PLCE1: variants seen among roughly 807,000 people sequenced by gnomAD.
PLCE1 encodes phospholipase C epsilon 1, also known as 1-phosphatidylinositol 4,5-bisphosphate phosphodiesterase epsilon-1.
A neutral mutation model predicts 242.8 loss-of-function variants in PLCE1; 119 were observed. The observed-to-expected ratio is 0.49, with a 90% CI of 0.42 to 0.57. PLCE1 has a LOEUF of 0.57. PLCE1 is among the 20% of genes least tolerant of loss of function. The pLI, the probability that PLCE1 is intolerant of heterozygous loss-of-function variation, is 0.00. For missense variants in PLCE1, 2,441 were observed against 2,788.8 expected (o/e 0.88, Z 2.81); for synonymous variants, 945 against 1,017.4 (o/e 0.93, Z 1.35).
intron 7 of PLCE1, among the ~76,000 whole-genome samples, chr10:94,240,819 G>T (rs2050481766): frequency 6.6e-6 from 1 of 152,030 alleles, no homozygotes; most frequent in African/African-American, 2.4e-5. Context: ...TTACTCCTTG[G>T]TCCTCTCCTT....
intron 2 of PLCE1, chr10:94,099,509 G>A (rs1298262291): frequency 6.6e-6 from 1 of 152,158 alleles, no homozygotes; most frequent in African/African-American, 2.4e-5. Flanking sequence ...AAACTGCCAA[G>A]ATATATTATT....
chr10:94,053,585 G>T (rs2043823980), intron 2 of PLCE1, among the ~76,000 whole-genome samples: 1 of 152,230 alleles, frequency 6.6e-6, no homozygotes, highest in Non-Finnish European at 1.5e-5. Context: ...GACTCAGAAG[G>T]CCTTGCACTT....
chr10:94,053,231 G>A (rs2043811267), intron 2 of PLCE1, among the ~76,000 whole-genome samples: 1 of 152,124 alleles, frequency 6.6e-6, no homozygotes, highest in African/African-American at 2.4e-5. Context: ...CCTCTATAAT[G>A]AGAATCATGA....
chr10:94,094,174 C>T (rs1233805019), intron 2 of PLCE1, among the ~76,000 whole-genome samples: 1 of 148,704 alleles, frequency 6.7e-6, no homozygotes, highest in Non-Finnish European at 1.5e-5. Context: ...ATCTCCTGAC[C>T]TCGTGATCCG....
At chr10:94,151,940 G>A (rs564039188) in intron 3 of PLCE1, among the ~76,000 whole-genome samples, 1 of 152,232 alleles carries the variant, frequency 6.6e-6, no homozygotes, top group East Asian at 1.9e-4. Flanking sequence ...ATTAGAAGTG[G>A]GTTTGACTGG....
At chr10:94,258,684 C>T (rs1329143429) in intron 11 of PLCE1, 116 bp from the exon 12 acceptor site, 1 of 1,208,114 alleles carries the variant, frequency 8.3e-7, no homozygotes, top group Non-Finnish European at 1.2e-6. Flanking sequence ...TAGCTTCAAT[C>T]TTAAATAACT....
chr10:94,294,978 A>G (rs921541821), intron 23 of PLCE1, among the ~76,000 whole-genome samples: 9 of 147,618 alleles, frequency 6.1e-5, no homozygotes, highest in Admixed American at 2.8e-4. Context: ...TGCGGTGGCA[A>G]GATCTTGTCT....
At chr10:94,235,689 G>A in intron 6 of PLCE1, 1 of 977,492 alleles carries the variant, frequency 1.0e-6, no homozygotes, top group Non-Finnish European at 1.2e-6. Flanking sequence ...TTGAAGTGGA[G>A]TGTCGATTCC....
intron 2 of PLCE1, among the ~76,000 whole-genome samples, chr10:94,074,080 ATGTTTAT>A (rs2044433879): frequency 6.6e-6 from 1 of 151,540 alleles, no homozygotes; most frequent in Non-Finnish European, 1.5e-5. Flanking sequence ...GCCAATTTTT[ATGTTTAT>A]TCAGTGACCC....
intron 2 of PLCE1, chr10:94,104,172 A>G (rs777456772): frequency 6.6e-6 from 1 of 152,326 alleles, no homozygotes; most frequent in African/African-American, 2.4e-5. Context: ...ATAAACACAT[A>G]TATGGTCCTT....
At chr10:94,256,186 G>C (rs1042920680) in intron 11 of PLCE1, among the ~76,000 whole-genome samples, 1 of 151,550 alleles carries the variant, frequency 6.6e-6, no homozygotes, top group Non-Finnish European at 1.5e-5. Flanking sequence ...AGCGGGTGTG[G>C]TGGTTCTCAC....
In PLCE1 at chr10:94,290,712, T is replaced by C. The variant is rs143226151; in HGVS notation, c.5036-2796T>C. Among the ~76,000 whole-genome samples the C allele has an allele frequency of 2.3e-3, 348 of 151,816 alleles. 1 individual carries two copies. The highest frequency in any genetic ancestry group is 7.8e-3 in the African/African-American group (324 of 41,438). On this transcript the variant is annotated intron_variant, in intron 22 of 32. Transcript: ENST00000371380. Reference sequence around the variant, plus strand: ...ACTTAAAAAAAAGTATATATATATATACACACACACATATATACACATGTA... The same window carrying C: ...ACTTAAAAAAAAGTATATATATATACACACACACACATATATACACATGTA...
At chr10:94,106,918 C>CTCTCTCTCTG (rs2045760242) in intron 2 of PLCE1, 1 of 109,720 alleles carries the variant, frequency 9.1e-6, no homozygotes, top group South Asian at 4.0e-4. Flanking sequence ...TTGTTTCTCT[C>CTCTCTCTCTG]TCTCTCTCTC....
chr10:94,255,459 T>G (rs939883420), intron 11 of PLCE1, among the ~76,000 whole-genome samples: 3 of 152,180 alleles, frequency 2.0e-5, no homozygotes, highest in Non-Finnish European at 4.4e-5. Context: ...AGAGTGTAGA[T>G]AGAGAACATT....
Position 94,171,073 on chromosome 10 carries a change from AG to A in PLCE1, c.1493-105del, listed in dbSNP as rs2047958808. On this transcript the variant is annotated intron_variant, in intron 3 of 32. Transcript: ENST00000371380. ...TAGTACAGAACTCTTCACTAAGCAG[AG>A]GATTTGGTTAAAGAACATACAAGAT... 4.3e-6 allele frequency: 4 copies of A among 929,046 alleles called. No homozygotes were observed. In the South Asian group the frequency reaches 5.3e-5, roughly 12 times the overall value. The allele number at this position is 929,046 out of a possible 1,614,324, so 57.6% of individuals were successfully genotyped here.
intron 24 of PLCE1, among the ~76,000 whole-genome samples, chr10:94,300,467 G>A (rs553580772): frequency 6.6e-6 from 1 of 152,324 alleles, no homozygotes; most frequent in South Asian, 2.1e-4. Context: ...GGGAAAAGGT[G>A]CTATCATATA....
intron 4 of PLCE1, among the ~76,000 whole-genome samples, chr10:94,205,605 A>G (rs2049132590): frequency 6.6e-6 from 1 of 152,248 alleles, no homozygotes; most frequent in Non-Finnish European, 1.5e-5. Flanking sequence ...TGGCCACCTC[A>G]ACTAGGAAAC....
rs1444833402 is a variant in PLCE1 at position 94,268,736 on chromosome 10, T to C, written c.4282-193T>C. On this transcript the variant is annotated intron_variant, in intron 16 of 32. Coordinates refer to ENST00000371380, the MANE Select transcript of PLCE1 (RefSeq NM_016341.4). The stretch of plus-strand genomic sequence containing the variant: ...GGTAAACACTCTTTCTACCTTAATC[T>C]GTTCCCTTCCTTCCCCACTCTGGAT... Among the ~76,000 whole-genome samples the C allele has an allele frequency of 2.0e-5, 3 of 152,252 alleles. No homozygotes were observed. In the East Asian group the frequency reaches 5.8e-4, roughly 29 times the overall value.
At chr10:94,080,875 T>TGGAA (rs1383447919) in intron 2 of PLCE1, among the ~76,000 whole-genome samples, 1 of 152,242 alleles carries the variant, frequency 6.6e-6, no homozygotes, top group African/African-American at 2.4e-5. Flanking sequence ...GACTTGCAGG[T>TGGAA]GGAAACATTT....
Sources: gnomAD v4.1 joint callset for allele counts (sites outside exome capture counted in the v4.1 genomes callset) on GRCh38, gnomAD v4.1.1 for gene constraint, MANE v1.5 for transcripts, NCBI Gene and HGNC (gene_info 2026-07-23, HGNC 2026-07-21) for gene names.